CAPN1: variants seen among roughly 807,000 people sequenced by gnomAD.
CAPN1 encodes the protein calpain-1 catalytic subunit.
A neutral mutation model predicts 105.2 loss-of-function variants in CAPN1; 77 were observed. That is an observed-to-expected ratio of 0.73 (90% CI 0.61 to 0.88). The LOEUF (loss-of-function observed/expected upper bound fraction) is 0.88, where lower values mean the gene tolerates loss of function less well. CAPN1 is among the 40% of genes least tolerant of loss of function. The pLI is 0.00. For synonymous variants in CAPN1, 355 were observed against 388.8 expected, an observed-to-expected ratio of 0.91 and a Z score of 1.02; for missense variants, 833 against 976.6, an observed-to-expected ratio of 0.85 and a Z score of 1.96.
Position 65,208,272 on chromosome 11 carries a change from C to T in CAPN1, c.1729+10C>T, listed in dbSNP as rs867567967. 1.2e-5 allele frequency: 19 copies of T among 1,556,390 alleles called. No individual in the cohort carries two copies. In the Middle Eastern group the frequency reaches 1.5e-3, roughly 123 times the overall value. On this transcript the variant is annotated intron_variant, in intron 16 of 21. Transcript: ENST00000279247. The surrounding 1 kb of genome is among the most constrained non-coding windows in gnomAD (Gnocchi z 4.1). ...AGGATCATCAGCAAACGTGAGTCCC[C>T]GCGGGGCTGTCCCACCACCCCACCA... is the stretch of plus-strand genomic sequence containing the variant.
At chr11:65,206,394 T>C in intron 12 of CAPN1, 69 bp from the exon 13 acceptor site, 1 of 1,241,122 alleles carries the variant, frequency 8.1e-7, no homozygotes, top group East Asian at 2.3e-5. Context: ...GGAGTCTGGG[T>C]CTGGGGGTGG....
chr11:65,190,712 G>GTT (rs1565399076), intron 10 of CAPN1, among the ~76,000 whole-genome samples: 1 of 56,556 alleles, frequency 1.8e-5, no homozygotes, highest in African/African-American at 5.0e-5. Context: ...GGTTTTTTTT[G>GTT]TTTTTGTTTT....
rs371488397 is a variant in CAPN1 at position 65,210,116 on chromosome 11, G to A, written c.1942+20G>A. The A allele has an allele frequency of 1.1e-4, 181 of 1,599,514 alleles. No homozygotes were observed. The highest frequency in any genetic ancestry group is 3.2e-4 in the South Asian group (29 of 90,750). On this transcript the variant is annotated intron_variant, in intron 19 of 21. Coordinates refer to ENST00000279247, the MANE Select transcript of CAPN1 (RefSeq NM_005186.4). This position sits in a 1 kb window ranked among gnomAD's most constrained non-coding sequence, Gnocchi z 4.3. ...CGGCAGGTGAGACTCCAAGGCTGAC[G>A]GCACCTGTGGGGCCCAGGACAGGTA...
In CAPN1 at chr11:65,204,312, G is replaced by A. The variant is rs184197273; in HGVS notation, c.1166-371G>A. ...TGCTCCCTGTCCGCAGATGCGTGGGGCCCTTCCTCACCTCTGCTCTGGGGT... is the reference window on the plus strand; with the variant it reads ...TGCTCCCTGTCCGCAGATGCGTGGGACCCTTCCTCACCTCTGCTCTGGGGT... On this transcript the variant is annotated intron_variant, in intron 10 of 21. Coordinates refer to ENST00000279247, the MANE Select transcript of CAPN1 (RefSeq NM_005186.4). Among the ~76,000 whole-genome samples, 231 of 152,090 alleles carry A rather than the reference G, an allele frequency of 1.5e-3. No homozygotes were observed. In the Middle Eastern group the frequency reaches 0.02, roughly 13 times the overall value.
rs932449873 is a variant in CAPN1, at chr11:65,211,699, C to G, written c.*413C>G. ...CCACTAGCTCGACACAGTCTGCAGT[C>G]CAGGCGTGTGGAGCCGCCTCCCGGC... On this transcript the variant is annotated 3_prime_UTR_variant, in exon 22 of 22. Transcript: ENST00000279247. 6.0e-5 allele frequency: 12 copies of G among 199,076 alleles called. No individual in the cohort carries two copies. Among genetic ancestry groups the G allele is most frequent in the Non-Finnish European group, 1.2e-4 (12 of 96,318 alleles). 12.3% of individuals were successfully genotyped at this position (199,076 alleles called of 1,614,324 possible).
rs1257849275 is a variant in CAPN1 at position 65,183,495 on chromosome 11, C to CA, written c.359_360insA (p.Ile121HisfsTer46). 1 of 1,613,496 alleles carries CA rather than the reference C, an allele frequency of 6.2e-7. No homozygotes were observed. The highest frequency in any genetic ancestry group is 1.3e-5 in the African/African-American group (1 of 74,936). On this transcript the variant is annotated frameshift_variant, in exon 4 of 22. Transcript: ENST00000279247. LOFTEE classifies it high-confidence loss of function. ...CCAGGGGACTGCTGGCTCTTGGCGG[C>CA]CATCGCCTCCCTCACTCTCAACGAC...
Position 65,209,363 on chromosome 11 carries a change from C to T in CAPN1, c.1770C>T (p.Cys590=). The change falls in exon 17 of 22, where the codon TGC becomes TGT. Residue 590 remains cysteine (C), a synonymous_variant. Coordinates refer to ENST00000279247, the MANE Select transcript of CAPN1 (RefSeq NM_005186.4). This position sits in a 1 kb window ranked among gnomAD's most constrained non-coding sequence, Gnocchi z 4.1. ...CCAAGGGCTTCAGCCTAGAGTCGTG[C>T]CGCAGCATGGTGAACCTCATGGATG... ...LRTKGFSLES[C]RSMVNLMDRD... 1 of 1,613,702 alleles carries T rather than the reference C, an allele frequency of 6.2e-7. No homozygotes were observed. The highest frequency in any genetic ancestry group is 1.1e-5 in the South Asian group (1 of 91,054).
intron 6 of CAPN1, 86 bp from the exon 7 acceptor site, chr11:65,187,129 A>T: frequency 1.1e-6 from 1 of 941,250 alleles, no homozygotes; most frequent in Non-Finnish European, 1.7e-6. Flanking sequence ...TGCAAGTGGG[A>T]ACGTCCAAGA....
In CAPN1 at chr11:65,195,099, GGT is replaced by G. The variant is rs1491316502; in HGVS notation, c.1165+6354_1165+6355del. On this transcript the variant is annotated intron_variant, in intron 10 of 21. Transcript: ENST00000279247. ...AAGTGGTATCACTGAAGTTTTTTGG[GGT>G]TTTTTTTTTTTTTTTTTTTTTTTTT... Among the ~76,000 whole-genome samples, 66 of 121,844 alleles carry G rather than the reference GGT, an allele frequency of 5.4e-4. 5 individuals are homozygous for G. The highest frequency in any genetic ancestry group is 2.6e-3 in the East Asian group (11 of 4,266). 79.9% of individuals were successfully genotyped at this position (121,844 alleles called of 152,430 possible). A position where few individuals can be genotyped will look rare whatever the true frequency, so the allele number is the denominator to read the frequency against.
intron 10 of CAPN1, among the ~76,000 whole-genome samples, chr11:65,199,630 A>G (rs950693185): frequency 1.3e-5 from 2 of 151,994 alleles, no homozygotes; most frequent in Non-Finnish European, 2.9e-5. Flanking sequence ...GTGTCTCTGG[A>G]TTGCATTCTG....
chr11:65,206,359 G>T lies in CAPN1; in HGVS notation c.1354-104G>T, dbSNP rs1388952456. The stretch of plus-strand genomic sequence containing the variant: ...GAGTGAGCCATGCCCCAGCTCTCCA[G>T]CCCCTTGGCCAGGACAAGGAGCCTG... On this transcript the variant is annotated intron_variant, in intron 12 of 21. Coordinates refer to ENST00000279247, the MANE Select transcript of CAPN1 (RefSeq NM_005186.4). 2.1e-5 allele frequency: 18 copies of T among 862,872 alleles called. No homozygotes were observed. The Admixed American group carries it at 3.4e-4, about 16-fold the overall frequency. The allele number at this position is 862,872 out of a possible 1,614,324, so 53.5% of individuals were successfully genotyped here.
intron 4 of CAPN1, 65 bp from the exon 5 acceptor site, chr11:65,185,852 G>C (rs965648661): frequency 6.6e-7 from 1 of 1,513,866 alleles, no homozygotes; most frequent in South Asian, 1.2e-5. Flanking sequence ...GGAAGGTAGG[G>C]GTAAGGATGG....
chr11:65,206,441 G>A lies in CAPN1; in HGVS notation c.1354-22G>A, dbSNP rs376056548. On this transcript the variant is annotated intron_variant, in intron 12 of 21. Coordinates refer to ENST00000279247, the MANE Select transcript of CAPN1 (RefSeq NM_005186.4). ...GGGCTGAGTGGGCAGCTGCAGCCCTGCTCCCTCCTCCCTCCCACCAGCTGG... is the reference window on the plus strand; with the variant it reads ...GGGCTGAGTGGGCAGCTGCAGCCCTACTCCCTCCTCCCTCCCACCAGCTGG... 5.6e-5 allele frequency: 90 copies of A among 1,603,100 alleles called. No homozygotes were observed. The African/African-American group carries it at 1.1e-3, about 19-fold the overall frequency.
chr11:65,208,578 C>A lies in CAPN1; in HGVS notation c.1729+316C>A. On this transcript the variant is annotated intron_variant, in intron 16 of 21. Transcript: ENST00000279247. This position sits in a 1 kb window ranked among gnomAD's most constrained non-coding sequence, Gnocchi z 4.1. ...GAGTCGCTTCAGCCCAGGAGTTCAA[C>A]ACCAGCCTGGACAATATGGAGAGAC... 1 of 461,382 alleles carries A rather than the reference C, an allele frequency of 2.2e-6. No individual in the cohort carries two copies. The highest frequency in any genetic ancestry group is 4.0e-6 in the Non-Finnish European group (1 of 248,620). The allele number at this position is 461,382 out of a possible 1,614,324, so 28.6% of individuals were successfully genotyped here.
At position 65,209,252 on chromosome 11, in the gene CAPN1, C is replaced by G; in HGVS notation, c.1730-71C>G. ...TTGTGCGTCCTTGACTCTGCCCCAC[C>G]CAGTGCTCCCAGCAGGGGCAGGTGC... On this transcript the variant is annotated intron_variant, in intron 16 of 21. Transcript: ENST00000279247. The surrounding 1 kb of genome is among the most constrained non-coding windows in gnomAD (Gnocchi z 4.1). 1.6e-6 allele frequency: 2 copies of G among 1,257,852 alleles called. No individual in the cohort carries two copies. Among genetic ancestry groups the G allele is most frequent in the Non-Finnish European group, 2.3e-6 (2 of 870,124 alleles). The allele number at this position is 1,257,852 out of a possible 1,614,324, so 77.9% of individuals were successfully genotyped here. A position where few individuals can be genotyped will look rare whatever the true frequency, so the allele number is the denominator to read the frequency against.
Position 65,186,274 on chromosome 11 carries a change from G to A in CAPN1, c.695G>A (p.Ser232Asn), listed in dbSNP as rs772581750. ...TEWYELRKAP[S>N]DLYQIILKAL... ...TGGTACGAGTTGCGCAAGGCTCCCA[G>A]TGACCTCTACCAGATCATCCTCAAG... Residue 232 changes from serine to asparagine, a missense_variant, in exon 6 of 22, where the codon AGT becomes AAT. Coordinates refer to ENST00000279247, the MANE Select transcript of CAPN1 (RefSeq NM_005186.4). 6.2e-7 allele frequency: 1 copy of A among 1,613,496 alleles called. No homozygotes were observed.
chr11:65,202,855 C>T (rs1365970683), intron 10 of CAPN1, among the ~76,000 whole-genome samples: 2 of 152,040 alleles, frequency 1.3e-5, no homozygotes, highest in African/African-American at 2.4e-5. Flanking sequence ...TTTCATTATC[C>T]CAAAAACAAA....
chr11:65,187,165 T>C, intron 6 of CAPN1, 50 bp from the exon 7 acceptor site: 2 of 1,382,482 alleles, frequency 1.4e-6, no homozygotes, highest in Non-Finnish European at 2.0e-6. Context: ...GCTCATCTGA[T>C]AGGGCGGGGG....
At position 65,208,295 on chromosome 11, in the gene CAPN1, C is replaced by T. The variant is rs756920671; in HGVS notation, c.1729+33C>T. On this transcript the variant is annotated intron_variant, in intron 16 of 21. Transcript: ENST00000279247. This position sits in a 1 kb window ranked among gnomAD's most constrained non-coding sequence, Gnocchi z 4.1. ...CCCGCGGGGCTGTCCCACCACCCCACCATTTCTTCCACATCAGAATCCAGG... is the reference window on the plus strand; with the variant it reads ...CCCGCGGGGCTGTCCCACCACCCCATCATTTCTTCCACATCAGAATCCAGG... The T allele has an allele frequency of 6.5e-6, 10 of 1,536,786 alleles. No individual in the cohort carries two copies. In the East Asian group the frequency reaches 1.5e-4, roughly 23 times the overall value.
Sources: allele counts gnomAD v4.1 joint callset (sites outside exome capture counted in the v4.1 genomes callset), GRCh38; gene constraint gnomAD v4.1.1; non-coding constraint Gnocchi (gnomAD v3.1); transcripts MANE v1.5; gene names NCBI Gene and HGNC (gene_info 2026-07-23, HGNC 2026-07-21).